Variants in CD2AP observed in about 807,000 individuals in gnomAD.
CD2AP encodes CD2 associated protein.
In CD2AP, 46 loss-of-function variants were observed where a neutral mutation model predicts 85.1. That is an observed-to-expected ratio of 0.54 (90% CI 0.43 to 0.69). CD2AP has a LOEUF of 0.69. CD2AP is among the 30% of genes least tolerant of loss of function. The probability of loss-of-function intolerance (pLI) is 0.00; values close to 1 mark genes in which losing one functional copy is unlikely to be tolerated. For missense variants in CD2AP, 769 were observed against 729.5 expected, an observed-to-expected ratio of 1.05 and a Z score of -0.62; for synonymous variants, 255 against 252.9, an observed-to-expected ratio of 1.01 and a Z score of -0.08.
intron 2 of CD2AP, among the ~76,000 whole-genome samples, chr6:47,522,489 C>G (rs945286045): frequency 6.6e-6 from 1 of 152,136 alleles, no homozygotes; most frequent in African/African-American, 2.4e-5. Flanking sequence ...GAAGGTGTCT[C>G]AGGTGCTGGT....
At position 47,503,391 on chromosome 6, in the gene CD2AP, AAGG is replaced by A. The variant is rs1766047955; in HGVS notation, c.119_121del (p.Gly40del). 6.2e-7 allele frequency: 1 copy of A among 1,613,788 alleles called. No homozygotes were observed. The highest frequency in any genetic ancestry group is 8.5e-7 in the Non-Finnish European group (1 of 1,179,860). ...AAGCTACAGGAGGAAGGGTGGCTGG[AAGG>A]AGAACTAAATGGGAGAAGAGGAATG... On this transcript the variant is annotated inframe_deletion, in exon 2 of 18. Coordinates refer to ENST00000359314, the MANE Select transcript of CD2AP (RefSeq NM_012120.3).
chr6:47,599,535 T>A, intron 13 of CD2AP, 92 bp downstream of exon 13: 1 of 1,043,738 alleles, frequency 9.6e-7, no homozygotes, highest in South Asian at 1.5e-5. Flanking sequence ...TGTGTGTGGA[T>A]AAAGTTGGAT....
At chr6:47,515,742 C>T (rs987081532) in intron 2 of CD2AP, among the ~76,000 whole-genome samples, 8 of 151,906 alleles carry the variant, frequency 5.3e-5, no homozygotes, top group Admixed American at 4.6e-4. Flanking sequence ...GTTGAAAGAT[C>T]TTAGCATTAT....
chr6:47,510,324 C>G (rs1172491940), intron 2 of CD2AP, among the ~76,000 whole-genome samples: 2 of 152,158 alleles, frequency 1.3e-5, no homozygotes, highest in Non-Finnish European at 2.9e-5. Flanking sequence ...AGTGATACCT[C>G]AGTAGCCGTG....
chr6:47,517,339 G>C (rs1243377509), intron 2 of CD2AP, among the ~76,000 whole-genome samples: 1 of 151,540 alleles, frequency 6.6e-6, no homozygotes, highest in East Asian at 1.9e-4. Context: ...CGGGAGTGCA[G>C]TGGTGCGGTG....
intron 13 of CD2AP, among the ~76,000 whole-genome samples, chr6:47,605,593 A>G (rs1250715010): frequency 6.6e-6 from 1 of 151,996 alleles, no homozygotes; most frequent in Non-Finnish European, 1.5e-5. Flanking sequence ...GTGAACTATA[A>G]ACAGTTTGAG....
intron 2 of CD2AP, among the ~76,000 whole-genome samples, chr6:47,510,397 T>G (rs948886645): frequency 6.6e-6 from 1 of 152,162 alleles, no homozygotes; most frequent in Non-Finnish European, 1.5e-5. Flanking sequence ...GAAGGGCTCC[T>G]TGGAGAAATG....
At chr6:47,609,432 T>C in intron 16 of CD2AP, 128 bp downstream of exon 16, 3 of 716,588 alleles carry the variant, frequency 4.2e-6, no homozygotes, top group Admixed American at 4.1e-5. Flanking sequence ...ATCCCAGCAC[T>C]TTGGGAGACC....
chr6:47,548,432 C>T (rs749831057), intron 4 of CD2AP, among the ~76,000 whole-genome samples: 21 of 152,062 alleles, frequency 1.4e-4, no homozygotes, highest in Non-Finnish European at 2.9e-4. Flanking sequence ...CTTTTTTCTG[C>T]ACATAAACTA....
At chr6:47,511,934 G>A (rs906291838) in intron 2 of CD2AP, among the ~76,000 whole-genome samples, 5 of 152,064 alleles carry the variant, frequency 3.3e-5, no homozygotes, top group Non-Finnish European at 5.9e-5. Flanking sequence ...CGAGGTGGGC[G>A]GATCACGAGG....
chr6:47,563,730 C>T (rs1440438611), intron 5 of CD2AP, among the ~76,000 whole-genome samples: 7 of 152,106 alleles, frequency 4.6e-5, no homozygotes, highest in Non-Finnish European at 1.0e-4. Context: ...ACATACTATA[C>T]GTGCTACAAA....
rs547494177 is a variant in CD2AP, at chr6:47,553,961, C to CT, written c.421-679dup. ...CCATTTAGGAAGTTATGTTTATTTTCTTTTTTCTTTTTTTGAGACAGGGTC... is the reference window on the plus strand; with the variant it reads ...CCATTTAGGAAGTTATGTTTATTTTCTTTTTTTCTTTTTTTGAGACAGGGTC... On this transcript the variant is annotated intron_variant, in intron 4 of 17. Transcript: ENST00000359314. 8.1e-4 allele frequency among the ~76,000 whole-genome samples: 123 copies of CT among 152,078 alleles called. 2 individuals are homozygous for CT. The East Asian group carries it at 8.5e-3, about 11-fold the overall frequency.
intron 1 of CD2AP, among the ~76,000 whole-genome samples, chr6:47,483,149 A>G (rs781456166): frequency 7.2e-5 from 11 of 152,368 alleles, no homozygotes; most frequent in Non-Finnish European, 1.3e-4. Flanking sequence ...AGCATTTGAT[A>G]TCTGACTGCT....
intron 13 of CD2AP, among the ~76,000 whole-genome samples, chr6:47,603,538 G>T (rs1769197527): frequency 6.6e-6 from 1 of 151,948 alleles, no homozygotes; most frequent in Admixed American, 6.6e-5. Flanking sequence ...AATGCATATT[G>T]AAATTAATAC....
At chr6:47,547,831 A>C (rs1466203421) in intron 4 of CD2AP, among the ~76,000 whole-genome samples, 1 of 152,144 alleles carries the variant, frequency 6.6e-6, no homozygotes, top group East Asian at 1.9e-4. Flanking sequence ...GCACTCTCTC[A>C]CACCACAGCG....
intron 2 of CD2AP, among the ~76,000 whole-genome samples, chr6:47,526,666 GT>G (rs1766738439): frequency 6.6e-6 from 1 of 152,148 alleles, no homozygotes; most frequent in Non-Finnish European, 1.5e-5. Context: ...TATACAGTTT[GT>G]CTGTCTCCTG....
At chr6:47,548,098 C>G (rs1235375252) in intron 4 of CD2AP, among the ~76,000 whole-genome samples, 2 of 151,982 alleles carry the variant, frequency 1.3e-5, no homozygotes, top group African/African-American at 4.8e-5. Flanking sequence ...ATGCCTACAT[C>G]AAAGACTGTG....
intron 11 of CD2AP, among the ~76,000 whole-genome samples, chr6:47,590,329 T>A (rs1305234049): frequency 6.6e-6 from 1 of 152,116 alleles, no homozygotes; most frequent in Non-Finnish European, 1.5e-5. Context: ...TTTGTTTACA[T>A]ATATAAGTAT....
intron 15 of CD2AP, among the ~76,000 whole-genome samples, chr6:47,608,700 A>G (rs6908162): frequency 0.6 from 91,830 of 151,954 alleles, 28,564 homozygotes; most frequent in Middle Eastern, 0.74. Flanking sequence ...CTATGGACTC[A>G]TTTTAGTGAC....
Sources: allele counts gnomAD v4.1 joint callset (sites outside exome capture counted in the v4.1 genomes callset), GRCh38; gene constraint gnomAD v4.1.1; transcripts MANE v1.5; gene names NCBI Gene and HGNC (gene_info 2026-07-23, HGNC 2026-07-21).